The following KATNA1 variants were observed in gnomAD, a reference collection of about 807,000 sequenced individuals.
KATNA1 encodes katanin p60 ATPase-containing subunit A1.
KATNA1 carries 42 observed loss-of-function variants against 62.6 expected under a neutral mutation model. The ratio of observed to expected loss-of-function variants is 0.67; its 90% CI spans 0.52 to 0.87. The LOEUF (loss-of-function observed/expected upper bound fraction) is 0.87, where lower values mean the gene tolerates loss of function less well. Among genes scored for constraint, KATNA1 ranks in the 40% least tolerant of loss-of-function variants. The probability of loss-of-function intolerance (pLI) is 0.00; values close to 1 mark genes in which losing one functional copy is unlikely to be tolerated. For missense variants in KATNA1, 498 were observed against 612.5 expected (o/e 0.81, Z 1.97); for synonymous variants, 186 against 201.9 (o/e 0.92, Z 0.67).
chr6:149,638,950 G>C (rs1294855476), intron 1 of KATNA1, among the ~76,000 whole-genome samples: 3 of 151,702 alleles, frequency 2.0e-5, no homozygotes, highest in African/African-American at 7.3e-5. Flanking sequence ...TGTTGGCCAG[G>C]CTGGTCTCGA....
chr6:149,639,323 C>A lies in KATNA1; in HGVS notation c.-13-763G>T, dbSNP rs180748372. ...AACAAAACAAAACAAAAAACAGGCC[C>A]GGTGCGGTGGCTCACACCTGTAATC... On this transcript the variant is annotated intron_variant, in intron 1 of 10. Coordinates refer to ENST00000367411, the MANE Select transcript of KATNA1 (RefSeq NM_007044.4). 3.6e-3 allele frequency among the ~76,000 whole-genome samples: 550 copies of A among 151,152 alleles called. 3 individuals are homozygous for A. The highest frequency in any genetic ancestry group is 0.013 in the African/African-American group (523 of 41,316).
chr6:149,626,199 A>G (rs1779599518), intron 3 of KATNA1, among the ~76,000 whole-genome samples: 1 of 152,144 alleles, frequency 6.6e-6, no homozygotes, highest in Non-Finnish European at 1.5e-5. Context: ...TTTTGAAAAT[A>G]AAGATGGTTG....
intron 4 of KATNA1, among the ~76,000 whole-genome samples, chr6:149,614,985 T>G (rs1489780625): frequency 6.6e-6 from 1 of 151,594 alleles, no homozygotes; most frequent in Non-Finnish European, 1.5e-5. Flanking sequence ...ATACAAAAAT[T>G]AGCCAGGTGT....
intron 4 of KATNA1, among the ~76,000 whole-genome samples, chr6:149,608,372 G>A (rs1426227778): frequency 2.0e-5 from 3 of 152,102 alleles, no homozygotes; most frequent in East Asian, 1.9e-4. Flanking sequence ...CTGAAGAGCC[G>A]GCAACCTGGA....
rs1215767086 is a variant in KATNA1, at chr6:149,595,019, A to G, written c.*17T>C. On this transcript the variant is annotated 3_prime_UTR_variant, in exon 11 of 11. Coordinates refer to ENST00000367411, the MANE Select transcript of KATNA1 (RefSeq NM_007044.4). ...CAAACACTTAAGGCACATTTCTCAC[A>G]GTTTACATGTGAGAATTTAGCATGA... The G allele has an allele frequency of 1.9e-6, 3 of 1,596,820 alleles. No individual in the cohort carries two copies. Among genetic ancestry groups the G allele is most frequent in the East Asian group, 4.5e-5 (2 of 44,770 alleles).
chr6:149,639,658 T>G (rs551405003), intron 1 of KATNA1, among the ~76,000 whole-genome samples: 18 of 152,152 alleles, frequency 1.2e-4, no homozygotes, highest in African/African-American at 4.1e-4. Context: ...GTTCCCACAT[T>G]CAAACCCTCC....
intron 6 of KATNA1, among the ~76,000 whole-genome samples, chr6:149,602,892 T>C (rs1035696930): frequency 6.6e-6 from 1 of 151,718 alleles, no homozygotes; most frequent in Non-Finnish European, 1.5e-5. Flanking sequence ...CGGCTAGTTT[T>C]GTATTTTTAG....
In KATNA1 at chr6:149,623,358, A is replaced by C. The variant is rs73606737; in HGVS notation, c.321-75T>G. On this transcript the variant is annotated intron_variant, in intron 3 of 10. Transcript: ENST00000367411. ...GAACACACATACTGTGTAAGTTAAG[A>C]GTCTATGAACTAAAGAAGCCAATGC... 6.1e-3 allele frequency: 6,777 copies of C among 1,112,922 alleles called. 285 individuals carry two copies. The African/African-American group carries it at 0.093, about 15-fold the overall frequency. The allele number at this position is 1,112,922 out of a possible 1,614,324, so 68.9% of individuals were successfully genotyped here.
chr6:149,638,308 T>A, intron 2 of KATNA1, 78 bp downstream of exon 2: 1 of 1,311,256 alleles, frequency 7.6e-7, no homozygotes, highest in Non-Finnish European at 1.1e-6. Flanking sequence ...TGTAACTACA[T>A]ACAGCATTGA....
rs766022791 is a variant in KATNA1, at chr6:149,601,767, A to G, written c.730-15T>C. On this transcript the variant is annotated splice_polypyrimidine_tract_variant and intron_variant, in intron 6 of 10. Transcript: ENST00000367411. ...ATCAGTACTCCCTGTTGCGAATATA[A>G]TAGCCTCAGCAGAGGATTTATCTGC... is the stretch of plus-strand genomic sequence containing the variant. 6 of 1,557,272 alleles carry G rather than the reference A, an allele frequency of 3.9e-6. No individual in the cohort carries two copies. The African/African-American group carries it at 8.2e-5, about 21-fold the overall frequency.
At chr6:149,606,107 GAT>G (rs1349627901) in intron 4 of KATNA1, among the ~76,000 whole-genome samples, 1 of 152,112 alleles carries the variant, frequency 6.6e-6, no homozygotes, top group Non-Finnish European at 1.5e-5. Flanking sequence ...CAGTTGCTGT[GAT>G]AAGATGTACA....
At chr6:149,605,376 G>GT (rs1778700017) in intron 4 of KATNA1, among the ~76,000 whole-genome samples, 1 of 152,138 alleles carries the variant, frequency 6.6e-6, no homozygotes, top group Admixed American at 6.6e-5. Context: ...TACACAAAAT[G>GT]TATTTCAATC....
chr6:149,603,355 TA>T lies in KATNA1; in HGVS notation c.641del (p.Leu214Ter). 6.4e-7 allele frequency: 1 copy of T among 1,572,130 alleles called. No individual in the cohort carries two copies. The highest frequency in any genetic ancestry group is 8.7e-7 in the Non-Finnish European group (1 of 1,145,340). ...PNVRWDDIAD[L>X]VEAKKLLKEA... ...CCTTAAGCAACTTTTTAGCTTCTACTAAATCAGCGATATCATCCCTGAAAGA... is the reference window on the plus strand; with the variant it reads ...CCTTAAGCAACTTTTTAGCTTCTACTAATCAGCGATATCATCCCTGAAAGA... On this transcript the variant is annotated frameshift_variant, in exon 6 of 11. Coordinates refer to ENST00000367411, the MANE Select transcript of KATNA1 (RefSeq NM_007044.4). LOFTEE classifies it high-confidence loss of function.
At chr6:149,636,769 T>C (rs376172503) in intron 2 of KATNA1, among the ~76,000 whole-genome samples, 9 of 151,740 alleles carry the variant, frequency 5.9e-5, no homozygotes, top group African/African-American at 1.7e-4. Flanking sequence ...GCCTCCCAAG[T>C]AGCTGACATT....
intron 4 of KATNA1, 24 bp from the exon 5 acceptor site, chr6:149,604,806 C>T (rs780850799): frequency 5.0e-5 from 80 of 1,602,260 alleles, no homozygotes; most frequent in Non-Finnish European, 6.2e-5. Context: ...AAAAAACAAG[C>T]GCTTTTGATT....
chr6:149,617,989 A>AATAT (rs1209706203), intron 4 of KATNA1, among the ~76,000 whole-genome samples: 5 of 141,690 alleles, frequency 3.5e-5, no homozygotes, highest in East Asian at 2.1e-4. Flanking sequence ...TAAATAAATA[A>AATAT]ATATATATAT....
At chr6:149,598,118 T>C (rs994409377) in intron 8 of KATNA1, 106 bp downstream of exon 8, 14 of 1,268,344 alleles carry the variant, frequency 1.1e-5, no homozygotes, top group Non-Finnish European at 1.5e-5. Flanking sequence ...AGAATACCTA[T>C]TAAAAGCTTG....
At position 149,597,607 on chromosome 6, in the gene KATNA1, G is replaced by A; in HGVS notation, c.1050C>T (p.Ser350=). The A allele has an allele frequency of 1.2e-6, 2 of 1,613,906 alleles. No homozygotes were observed. Among genetic ancestry groups the A allele is most frequent in the South Asian group, 2.2e-5 (2 of 91,070 alleles). The change falls in exon 9 of 11, where the codon TCC becomes TCT. Residue 350 remains serine (S), a synonymous_variant. Transcript: ENST00000367411. The stretch of plus-strand genomic sequence containing the variant: ...TAGCTGCCAGAACCATAACCATTTT[G>A]GAAGGGTCATCATTTTCAGAAGTAC... ...VGGTSENDDP[S]KMVMVLAATN... is the part of the protein sequence containing the mutation.
At position 149,597,215 on chromosome 6, in the gene KATNA1, T is replaced by C. The variant is rs775812365; in HGVS notation, c.1151-26A>G. 5 of 1,609,752 alleles carry C rather than the reference T, an allele frequency of 3.1e-6. No homozygotes were observed. In the South Asian group the frequency reaches 3.3e-5, roughly 11 times the overall value. ...CTAATGGTAGAAACAAATTTTAAAA[T>C]GTAAGCCTGCAGCATAAACATAGTA... is the stretch of plus-strand genomic sequence containing the variant. On this transcript the variant is annotated intron_variant, in intron 9 of 10. Coordinates refer to ENST00000367411, the MANE Select transcript of KATNA1 (RefSeq NM_007044.4).
Sources: gnomAD v4.1 joint callset for allele counts (sites outside exome capture counted in the v4.1 genomes callset) on GRCh38, gnomAD v4.1.1 for gene constraint, MANE v1.5 for transcripts, NCBI Gene and HGNC (gene_info 2026-07-23, HGNC 2026-07-21) for gene names.